PTPRD: variants seen among roughly 807,000 people sequenced by gnomAD.
PTPRD encodes the protein receptor-type tyrosine-protein phosphatase delta.
A neutral mutation model predicts 214.5 loss-of-function variants in PTPRD; 34 were observed. The observed-to-expected ratio is 0.16, with a 90% CI of 0.12 to 0.21. The LOEUF (loss-of-function observed/expected upper bound fraction) is 0.21, where lower values mean the gene tolerates loss of function less well. Ranked by LOEUF, PTPRD falls within the 10% of genes least tolerant of loss-of-function variation. The probability of loss-of-function intolerance (pLI) is 1.00; values close to 1 mark genes in which losing one functional copy is unlikely to be tolerated. For missense variants in PTPRD, 2,545 were observed against 2,398.7 expected (o/e 1.06, Z -1.27); for synonymous variants, 1,128 against 845.7 (o/e 1.33, Z -5.79).
chr9:10,132,862 C>T (rs1264752368), intron 3 of PTPRD, among the ~76,000 whole-genome samples: 1 of 152,182 alleles, frequency 6.6e-6, no homozygotes, highest in African/African-American at 2.4e-5. Flanking sequence ...GGAGCCCTTC[C>T]TTCTGGTGTT....
chr9:9,950,580 C>T (rs1238663698), intron 4 of PTPRD, among the ~76,000 whole-genome samples: 2 of 81,722 alleles, frequency 2.4e-5, no homozygotes, highest in Non-Finnish European at 2.0e-5. Flanking sequence ...AAAAATTAGC[C>T]GGGCGAGGTG....
intron 2 of PTPRD, among the ~76,000 whole-genome samples, chr9:10,480,223 A>G (rs980704931): frequency 3.3e-5 from 5 of 152,192 alleles, no homozygotes; most frequent in African/African-American, 1.2e-4. Flanking sequence ...TGTCCCCAAT[A>G]CAGAATTTTC....
chr9:9,585,357 G>C (rs1180425595), intron 7 of PTPRD, among the ~76,000 whole-genome samples: 1 of 151,980 alleles, frequency 6.6e-6, no homozygotes, highest in African/African-American at 2.4e-5. Context: ...TTAGACACTT[G>C]GTTGAAATCT....
intron 9 of PTPRD, among the ~76,000 whole-genome samples, chr9:9,268,905 CAGAAGAAAACAT>C (rs1332941643): frequency 1.3e-5 from 2 of 149,288 alleles, no homozygotes; most frequent in African/African-American, 2.5e-5. Context: ...CATAGAATTC[CAGAAGAAAACAT>C]AGAAGAAAAG....
chr9:9,111,020 T>C (rs532965990), intron 10 of PTPRD, among the ~76,000 whole-genome samples: 1 of 152,124 alleles, frequency 6.6e-6, no homozygotes, highest in East Asian at 1.9e-4. Flanking sequence ...CACTGGGTAC[T>C]GGAGAGAAAG....
At chr9:9,385,300 C>T (rs1042282481) in intron 9 of PTPRD, among the ~76,000 whole-genome samples, 1 of 152,088 alleles carries the variant, frequency 6.6e-6, no homozygotes, top group Non-Finnish European at 1.5e-5. Context: ...AGTTTTCCTC[C>T]AGGATATAGA....
chr9:8,949,492 A>C (rs1435775553), intron 11 of PTPRD, among the ~76,000 whole-genome samples: 4 of 108,842 alleles, frequency 3.7e-5, no homozygotes, highest in Non-Finnish European at 7.4e-5. Flanking sequence ...AATAATAATC[A>C]CTTCCATTTA....
chr9:8,673,955 C>T (rs1020621654), intron 12 of PTPRD, among the ~76,000 whole-genome samples: 1 of 152,144 alleles, frequency 6.6e-6, no homozygotes. Flanking sequence ...CAACCAAAAA[C>T]GTCTCCAAAC....
chr9:9,145,012 A>G (rs1286119236), intron 10 of PTPRD, among the ~76,000 whole-genome samples: 3 of 152,236 alleles, frequency 2.0e-5, no homozygotes, highest in Non-Finnish European at 4.4e-5. Context: ...TCAGCAAAGT[A>G]AAGGGGATAG....
intron 11 of PTPRD, among the ~76,000 whole-genome samples, chr9:8,765,630 C>T (rs1308799794): frequency 6.6e-6 from 1 of 152,178 alleles, no homozygotes; most frequent in Non-Finnish European, 1.5e-5. Context: ...GTAACAGATC[C>T]TAAGCAAGAA....
chr9:9,989,036 A>AC (rs2095819895), intron 4 of PTPRD, among the ~76,000 whole-genome samples: 1 of 147,720 alleles, frequency 6.8e-6, no homozygotes. Flanking sequence ...AAAAAAAAAA[A>AC]AAAAAAAAAC....
intron 10 of PTPRD, among the ~76,000 whole-genome samples, chr9:9,103,880 G>A (rs1050429661): frequency 4.6e-5 from 7 of 152,264 alleles, no homozygotes; most frequent in Non-Finnish European, 8.8e-5. Context: ...TACCCTGGAG[G>A]CTGAGGTGAG....
intron 11 of PTPRD, among the ~76,000 whole-genome samples, chr9:8,882,373 T>G (rs1327932051): frequency 6.6e-6 from 1 of 152,166 alleles, no homozygotes. Flanking sequence ...GGTGAAGTAA[T>G]TTGTTGTAGA....
intron 11 of PTPRD, among the ~76,000 whole-genome samples, chr9:8,760,612 G>A (rs1267970040): frequency 6.6e-6 from 1 of 151,568 alleles, no homozygotes; most frequent in African/African-American, 2.4e-5. Context: ...GTGTGTGTGT[G>A]TGTGTGTGTG....
At position 8,436,703 on chromosome 9, in the gene PTPRD, C is replaced by G. The variant is rs1359118; in HGVS notation, c.3989-14G>C. The G allele has an allele frequency of 0.6, 955,200 of 1,588,664 alleles. 288,764 individuals carry two copies. Among genetic ancestry groups the G allele is most frequent in the South Asian group, 0.7 (63,083 of 90,116 alleles). ...GGCTAGCCATACCTATTGAAAAAAG[C>G]AAAGAAGAAACACATTTGAAAACAA... On this transcript the variant is annotated splice_polypyrimidine_tract_variant and intron_variant, in intron 34 of 45. Coordinates refer to ENST00000381196, the MANE Select transcript of PTPRD (RefSeq NM_002839.4).
intron 10 of PTPRD, among the ~76,000 whole-genome samples, chr9:9,112,116 A>G (rs2099806971): frequency 6.6e-6 from 1 of 152,142 alleles, no homozygotes; most frequent in Non-Finnish European, 1.5e-5. Flanking sequence ...TCCTGTCTAC[A>G]AAGCCATGCT....
At chr9:10,007,188 G>C (rs929937682) in intron 4 of PTPRD, among the ~76,000 whole-genome samples, 1 of 151,922 alleles carries the variant, frequency 6.6e-6, no homozygotes, top group African/African-American at 2.4e-5. Flanking sequence ...GTTTATCTCT[G>C]CACTAAACTA....
At chr9:9,700,676 G>A (rs2097481252) in intron 7 of PTPRD, among the ~76,000 whole-genome samples, 1 of 151,932 alleles carries the variant, frequency 6.6e-6, no homozygotes. Flanking sequence ...TCCTCATTGT[G>A]TATACAATAT....
At chr9:8,822,534 C>A (rs2097091892) in intron 11 of PTPRD, among the ~76,000 whole-genome samples, 1 of 152,086 alleles carries the variant, frequency 6.6e-6, no homozygotes, top group Non-Finnish European at 1.5e-5. Context: ...TTGTTGAAGG[C>A]TAATGTTAAA....
Sources: allele counts gnomAD v4.1 joint callset (sites outside exome capture counted in the v4.1 genomes callset), GRCh38; gene constraint gnomAD v4.1.1; transcripts MANE v1.5; gene names NCBI Gene and HGNC (gene_info 2026-07-23, HGNC 2026-07-21).